The following MYPN variants were observed in gnomAD, a reference collection of about 807,000 sequenced individuals.
MYPN encodes the protein myopalladin.
MYPN carries 63 observed loss-of-function variants against 129.4 expected under a neutral mutation model. The ratio of observed to expected loss-of-function variants is 0.49; its 90% CI spans 0.40 to 0.60. The LOEUF (loss-of-function observed/expected upper bound fraction) is 0.60, where lower values mean the gene tolerates loss of function less well. MYPN is among the 20% of genes least tolerant of loss of function. MYPN has a pLI of 0.00. For synonymous variants in MYPN, 629 were observed against 600.9 expected (o/e 1.05, Z -0.68); for missense variants, 1,596 against 1,635.4 (o/e 0.98, Z 0.42).
rs575709805 is a variant in MYPN, at chr10:68,152,301, G to A, written c.1317+2190G>A. Among the ~76,000 whole-genome samples, 6 of 152,148 alleles carry A rather than the reference G, an allele frequency of 3.9e-5. No individual in the cohort carries two copies. The South Asian group carries it at 8.3e-4, about 21-fold the overall frequency. ...CAGTAATTCCAGGAGGGTATAATGA[G>A]GCATGTCCCCTTCCCATCATGACCT... On this transcript the variant is annotated intron_variant, in intron 6 of 19. Coordinates refer to ENST00000358913, the MANE Select transcript of MYPN (RefSeq NM_032578.4).
Position 68,201,916 on chromosome 10 carries a change from G to C in MYPN, c.3581G>C (p.Arg1194Pro), listed in dbSNP as rs1252035616. ...GGCCACCCCGTGAGACTGGAGTGCC[G>C]CGTGATAGGCATGCCCCCACCTGTG... ...PEGHPVRLEC[R>P]VIGMPPPVFY... Residue 1194 changes from arginine (R) to proline (P), a missense_variant, in exon 18 of 20, where the codon CGC becomes CCC. Arg to Pro is a moderately radical substitution (Grantham distance 103, BLOSUM62 -2). Transcript: ENST00000358913. 1 of 1,614,122 alleles carries C rather than the reference G, an allele frequency of 6.2e-7. No homozygotes were observed. The highest frequency in any genetic ancestry group is 1.7e-5 in the Admixed American group (1 of 60,002).
intron 2 of MYPN, among the ~76,000 whole-genome samples, chr10:68,142,555 C>A (rs532169980): frequency 6.6e-6 from 1 of 152,136 alleles, no homozygotes; most frequent in Non-Finnish European, 1.5e-5. Flanking sequence ...CTGTACGAAC[C>A]TGTATTATCT....
intron 19 of MYPN, among the ~76,000 whole-genome samples, chr10:68,208,593 C>A (rs2043855096): frequency 6.6e-6 from 1 of 152,132 alleles, no homozygotes; most frequent in African/African-American, 2.4e-5. Context: ...CACCAATAAG[C>A]CCTGAAACAG....
chr10:68,165,336 C>T (rs1453455580), intron 8 of MYPN: 7 of 390,166 alleles, frequency 1.8e-5, no homozygotes, highest in Non-Finnish European at 3.0e-5. Flanking sequence ...CCTGTAGTCC[C>T]AGCTACTCGG....
chr10:68,176,912 C>G (rs2043236147), intron 12 of MYPN, among the ~76,000 whole-genome samples: 1 of 152,308 alleles, frequency 6.6e-6, no homozygotes, highest in Admixed American at 6.5e-5. Flanking sequence ...GTTGCTCTGT[C>G]TAATGCAGAT....
At chr10:68,167,627 C>T (rs2043074971) in intron 10 of MYPN, among the ~76,000 whole-genome samples, 2 of 152,164 alleles carry the variant, frequency 1.3e-5, no homozygotes, top group East Asian at 1.9e-4. Context: ...ATATCAACAT[C>T]AAAATCTACA....
intron 2 of MYPN, among the ~76,000 whole-genome samples, chr10:68,140,220 AAG>A: frequency 1.3e-5 from 2 of 152,254 alleles, no homozygotes; most frequent in Middle Eastern, 3.4e-3. Flanking sequence ...TATTGAAGGG[AAG>A]AGTGATGGGA....
Position 68,161,721 on chromosome 10 carries a change from T to C in MYPN, c.1460-8T>C. On this transcript the variant is annotated splice_region_variant and splice_polypyrimidine_tract_variant and intron_variant, in intron 7 of 19. Coordinates refer to ENST00000358913, the MANE Select transcript of MYPN (RefSeq NM_032578.4). ...ATGCTCAGAATCTTTTACTTTCTTT[T>C]CTTTTAGAACCTCGATCCATGGCAG... The C allele has an allele frequency of 1.9e-6, 3 of 1,610,260 alleles. No individual in the cohort carries two copies. Among genetic ancestry groups the C allele is most frequent in the Non-Finnish European group, 2.5e-6 (3 of 1,177,224 alleles).
At chr10:68,142,483 C>T (rs920770090) in intron 2 of MYPN, among the ~76,000 whole-genome samples, 7 of 152,246 alleles carry the variant, frequency 4.6e-5, no homozygotes, top group African/African-American at 1.7e-4. Flanking sequence ...AGTAACAGAA[C>T]AAATTAATTT....
chr10:68,210,665 G>T lies in MYPN; in HGVS notation c.*210G>T, dbSNP rs1318044916. ...GCTGTGCCTTCTAAAGATTCCAACA[G>T]AGATGTGAGAAGATAATACAGATGA... On this transcript the variant is annotated 3_prime_UTR_variant, in exon 20 of 20. Transcript: ENST00000358913. 10 of 673,716 alleles carry T rather than the reference G, an allele frequency of 1.5e-5. No homozygotes were observed. The highest frequency in any genetic ancestry group is 1.2e-4 in the African/African-American group (7 of 56,662). 41.7% of individuals were successfully genotyped at this position (673,716 alleles called of 1,614,324 possible).
In MYPN at chr10:68,174,125, A is replaced by C; in HGVS notation, c.2033A>C (p.Gln678Pro). ...NQVLLEQHQL[Q>P]NPPPSSPKEF... The stretch of plus-strand genomic sequence containing the variant: ...GTCTTACTGGAACAACACCAATTGC[A>C]AAACCCACCTCCTTCATCTCCTAAG... Residue 678 changes from glutamine to proline, a missense_variant, in exon 11 of 20, where the codon CAA becomes CCA. Physicochemically the swap from Gln to Pro is moderately conservative, Grantham distance 76. Transcript: ENST00000358913. The C allele has an allele frequency of 6.2e-7, 1 of 1,614,178 alleles. No homozygotes were observed. Among genetic ancestry groups the C allele is most frequent in the Non-Finnish European group, 8.5e-7 (1 of 1,180,038 alleles).
intron 6 of MYPN, chr10:68,158,204 A>C: frequency 2.6e-6 from 1 of 380,844 alleles, no homozygotes; most frequent in East Asian, 5.1e-5. Context: ...GTCCCTCCTG[A>C]AGCTGTGCGC....
chr10:68,199,066 T>C (rs974446621), intron 16 of MYPN, among the ~76,000 whole-genome samples: 3 of 152,140 alleles, frequency 2.0e-5, no homozygotes, highest in African/African-American at 7.2e-5. Context: ...ATCTCTGAAA[T>C]TGATGCTGCA....
chr10:68,162,041 G>A (rs1468493314), intron 8 of MYPN: 3 of 229,638 alleles, frequency 1.3e-5, no homozygotes, highest in South Asian at 7.1e-5. Context: ...AGTGGCGCAC[G>A]TCTGTAATCC....
chr10:68,162,865 G>A (rs1472507659), intron 8 of MYPN, among the ~76,000 whole-genome samples: 2 of 152,166 alleles, frequency 1.3e-5, no homozygotes, highest in African/African-American at 2.4e-5. Flanking sequence ...GAGATCACTG[G>A]TTGGTTAAAA....
chr10:68,166,778 G>A (rs748229007), intron 10 of MYPN, 112 bp downstream of exon 10: 93 of 1,444,534 alleles, frequency 6.4e-5, no homozygotes, highest in Non-Finnish European at 8.0e-5. Flanking sequence ...CCTGTAATCC[G>A]AGCACTTTGG....
rs1234206023 is a variant in MYPN at position 68,211,106 on chromosome 10, A to G, written c.*651A>G. 4.4e-6 allele frequency: 2 copies of G among 454,086 alleles called. No individual in the cohort carries two copies. The highest frequency in any genetic ancestry group is 2.3e-5 in the Admixed American group (1 of 42,564). The allele number at this position is 454,086 out of a possible 1,614,324, so 28.1% of individuals were successfully genotyped here. ...TGAAACACTTGATATTGCACAGTGC[A>G]CTTATTTTGTGGCCAAAGCATGGCC... On this transcript the variant is annotated 3_prime_UTR_variant, in exon 20 of 20. Transcript: ENST00000358913.
rs755455535 is a variant in MYPN, at chr10:68,148,325, T to G, written c.1131-28T>G. On this transcript the variant is annotated intron_variant, in intron 4 of 19. Transcript: ENST00000358913. The stretch of plus-strand genomic sequence containing the variant: ...TTCACAAAGAGTGATAGGTCTATTT[T>G]ATAATCTATATTTTAATAATTTCTC... The G allele has an allele frequency of 3.9e-6, 6 of 1,541,304 alleles. No homozygotes were observed. In the African/African-American group the frequency reaches 6.9e-5, roughly 18 times the overall value.
At chr10:68,107,975 T>C (rs988648362), upstream of MYPN, among the ~76,000 whole-genome samples, 2 of 152,198 alleles carry the variant, frequency 1.3e-5, no homozygotes, top group African/African-American at 4.8e-5. Flanking sequence ...CTGAGTGGGA[T>C]AGTGGAGGAA....
Sources: allele counts gnomAD v4.1 joint callset (sites outside exome capture counted in the v4.1 genomes callset), GRCh38; gene constraint gnomAD v4.1.1; transcripts MANE v1.5; gene names NCBI Gene and HGNC (gene_info 2026-07-23, HGNC 2026-07-21).